IL1RAPL1: variants seen among roughly 807,000 people sequenced by gnomAD.
IL1RAPL1 encodes the protein interleukin 1 receptor accessory protein like 1.
IL1RAPL1 carries 3 observed loss-of-function variants against 48.4 expected under a neutral mutation model. The observed-to-expected ratio is 0.06, with a 90% confidence interval of 0.03 to 0.16. The LOEUF is 0.16. Among genes scored for constraint, IL1RAPL1 ranks in the 10% least tolerant of loss-of-function variants. The pLI is 1.00. For missense variants in IL1RAPL1, 349 were observed against 530.6 expected (o/e 0.66, Z 3.36); for synonymous variants, 185 against 187.7 (o/e 0.99, Z 0.12).
At chrX:29,209,950 A>G (rs1226825316) in intron 2 of IL1RAPL1, among the ~76,000 whole-genome samples, 1 of 111,813 alleles carries the variant, frequency 8.9e-6, no homozygotes, top group Non-Finnish European at 1.9e-5. Flanking sequence ...GCTGCAGTGA[A>G]GGAAGGGACC....
intron 2 of IL1RAPL1, among the ~76,000 whole-genome samples, chrX:28,802,477 G>C (rs1936687924): frequency 8.9e-6 from 1 of 112,133 alleles, no homozygotes; most frequent in Non-Finnish European, 1.9e-5. Flanking sequence ...CCTCTTGTGA[G>C]TATTCTCAAC....
intron 3 of IL1RAPL1, among the ~76,000 whole-genome samples, chrX:29,373,046 C>T (rs1435727824): frequency 9.0e-6 from 1 of 111,069 alleles, no homozygotes; most frequent in Non-Finnish European, 1.9e-5. Context: ...TTGATTCTTC[C>T]AATCCATTAG....
chrX:29,711,069 T>TATACACACACACACAC (rs1555913970), intron 6 of IL1RAPL1, among the ~76,000 whole-genome samples: 15,068 of 86,124 alleles, frequency 0.17, 1,369 homozygotes, highest in South Asian at 0.34. Context: ...TGTGTGTGTA[T>TATACACACACACACAC]ACACACACAC....
intron 1 of IL1RAPL1, among the ~76,000 whole-genome samples, chrX:28,711,689 G>A (rs370014493): frequency 6.5e-5 from 7 of 107,246 alleles, no homozygotes; most frequent in African/African-American, 2.0e-4. Context: ...CAAGGGCCTG[G>A]CCAAGAAGGG....
intron 2 of IL1RAPL1, among the ~76,000 whole-genome samples, chrX:29,103,007 A>T (rs111961169): frequency 0.23 from 26,044 of 111,538 alleles, 2,826 homozygotes; most frequent in African/African-American, 0.42. Flanking sequence ...TTCCATGTTC[A>T]TGGATTGGAA....
At chrX:29,592,574 C>T in intron 5 of IL1RAPL1, among the ~76,000 whole-genome samples, 1 of 111,458 alleles carries the variant, frequency 9.0e-6, no homozygotes. Context: ...TTCTGGTTTA[C>T]CTCGTTTCAC....
At chrX:28,925,283 C>T (rs748642614) in intron 2 of IL1RAPL1, among the ~76,000 whole-genome samples, 45 of 111,351 alleles carry the variant, frequency 4.0e-4, no homozygotes, top group East Asian at 8.5e-4. Flanking sequence ...AATTCCCTAA[C>T]GAGAAGACAA....
At chrX:29,182,282 A>C (rs1419764041) in intron 2 of IL1RAPL1, among the ~76,000 whole-genome samples, 1 of 111,249 alleles carries the variant, frequency 9.0e-6, no homozygotes, top group Non-Finnish European at 1.9e-5. Context: ...TACTAGACTA[A>C]CTCCTGGGCT....
chrX:29,321,722 C>A (rs922450845), intron 3 of IL1RAPL1, among the ~76,000 whole-genome samples: 3 of 111,145 alleles, frequency 2.7e-5, no homozygotes, highest in African/African-American at 9.8e-5. Flanking sequence ...ATTTAACAAC[C>A]CAAAATCCTC....
In IL1RAPL1 at chrX:29,146,556, C is replaced by T. The variant is rs188227260; in HGVS notation, c.83-136382C>T. 4.5e-3 allele frequency among the ~76,000 whole-genome samples: 506 copies of T among 111,768 alleles called. 2 individuals are homozygous for T. Among genetic ancestry groups the T allele is most frequent in the Non-Finnish European group, 7.5e-3 (397 of 53,153 alleles). On this transcript the variant is annotated intron_variant, in intron 2 of 10. Transcript: ENST00000378993. ...TTTTTCAGGACTCTACACTAAATCT[C>T]ATAATTATAAGACAATATTTGGTGA...
chrX:29,055,055 G>A (rs1036694143), intron 2 of IL1RAPL1, among the ~76,000 whole-genome samples: 3 of 111,475 alleles, frequency 2.7e-5, no homozygotes, highest in Non-Finnish European at 5.7e-5. Context: ...TCAATATTTA[G>A]CCTTTCAAAA....
At chrX:29,776,846 G>A (rs1474369419) in intron 6 of IL1RAPL1, among the ~76,000 whole-genome samples, 1 of 110,942 alleles carries the variant, frequency 9.0e-6, no homozygotes, top group African/African-American at 3.3e-5. Context: ...GACATTTTTA[G>A]TAATGACATT....
At chrX:29,600,237 C>G (rs189373882) in intron 5 of IL1RAPL1, among the ~76,000 whole-genome samples, 1 of 111,537 alleles carries the variant, frequency 9.0e-6, no homozygotes, top group East Asian at 2.8e-4. Context: ...GTGTTCTCCC[C>G]CTTCCCCTAG....
chrX:29,940,661 A>T (rs2147251040), intron 8 of IL1RAPL1, among the ~76,000 whole-genome samples: 1 of 111,831 alleles, frequency 8.9e-6, no homozygotes, highest in African/African-American at 3.2e-5. Flanking sequence ...TTTAAATACC[A>T]ATATCCTTAT....
At position 29,048,467 on chromosome X, in the gene IL1RAPL1, A is replaced by G. The variant is rs1247805330; in HGVS notation, c.83-234471A>G. ...CAAGGAGTCTTTCACAGGCTTTTACATATGCTTCTCCATGTGATTCCAATT... is the reference window on the plus strand; with the variant it reads ...CAAGGAGTCTTTCACAGGCTTTTACGTATGCTTCTCCATGTGATTCCAATT... On this transcript the variant is annotated intron_variant, in intron 2 of 10. Coordinates refer to ENST00000378993, the MANE Select transcript of IL1RAPL1 (RefSeq NM_014271.4). Among the ~76,000 whole-genome samples, 3 of 112,035 alleles carry G rather than the reference A, an allele frequency of 2.7e-5. No individual in the cohort carries two copies. In the East Asian group the frequency reaches 8.4e-4, roughly 31 times the overall value.
intron 5 of IL1RAPL1, among the ~76,000 whole-genome samples, chrX:29,650,603 C>A (rs1925486317): frequency 9.1e-6 from 1 of 110,260 alleles, no homozygotes; most frequent in African/African-American, 3.3e-5. Context: ...ACTATTATAT[C>A]TCACTCTATA....
intron 6 of IL1RAPL1, among the ~76,000 whole-genome samples, chrX:29,892,780 G>A (rs1426234424): frequency 8.9e-6 from 1 of 112,308 alleles, no homozygotes; most frequent in East Asian, 2.8e-4. Context: ...CCAGAGCAGA[G>A]CAAAGCAGTG....
At chrX:28,766,104 C>G (rs1048986882) in intron 1 of IL1RAPL1, among the ~76,000 whole-genome samples, 11 of 111,209 alleles carry the variant, frequency 9.9e-5, no homozygotes, top group Admixed American at 7.7e-4. Flanking sequence ...CAAATTGACC[C>G]TCTGATGGGG....
chrX:29,217,880 C>T (rs1322654143), intron 2 of IL1RAPL1, among the ~76,000 whole-genome samples: 1 of 108,739 alleles, frequency 9.2e-6, no homozygotes, highest in Non-Finnish European at 1.9e-5. Flanking sequence ...CCCGATGTGG[C>T]AAAGACCAAA....
Sources: gnomAD v4.1 joint callset for allele counts (sites outside exome capture counted in the v4.1 genomes callset) on GRCh38, gnomAD v4.1.1 for gene constraint, MANE v1.5 for transcripts, NCBI Gene and HGNC (gene_info 2026-07-23, HGNC 2026-07-21) for gene names.